CDK19: variants seen among roughly 807,000 people sequenced by gnomAD.
CDK19 encodes the protein cyclin-dependent kinase 19.
Under a neutral mutation model 68.3 loss-of-function variants are expected in CDK19, and 20 were observed. The ratio of observed to expected loss-of-function variants is 0.29; its 90% CI spans 0.21 to 0.43. The LOEUF is 0.43. CDK19 is among the 20% of genes least tolerant of loss of function. The probability of loss-of-function intolerance (pLI) is 1.00; values close to 1 mark genes in which losing one functional copy is unlikely to be tolerated. For synonymous variants in CDK19, 221 were observed against 222.8 expected (o/e 0.99, Z 0.07); for missense variants, 339 against 623.5 (o/e 0.54, Z 4.86).
chr6:110,804,336 A>G (rs116760552), intron 1 of CDK19, among the ~76,000 whole-genome samples: 2,039 of 152,054 alleles, frequency 0.013, 47 homozygotes, highest in African/African-American at 0.047. Context: ...TTCAAGTTAA[A>G]GATTCTTTTT....
At chr6:110,751,136 A>G (rs1778447386) in intron 1 of CDK19, among the ~76,000 whole-genome samples, 1 of 152,142 alleles carries the variant, frequency 6.6e-6, no homozygotes, top group Non-Finnish European at 1.5e-5. Context: ...ACCCAGCCCA[A>G]TACTTCTCTT....
chr6:110,765,822 A>G (rs1415063816), intron 1 of CDK19, among the ~76,000 whole-genome samples: 2 of 152,178 alleles, frequency 1.3e-5, no homozygotes, highest in African/African-American at 4.8e-5. Context: ...AAGGAAAGAT[A>G]TACAAATGAC....
chr6:110,691,518 A>G (rs997009373), intron 2 of CDK19, among the ~76,000 whole-genome samples: 2 of 152,024 alleles, frequency 1.3e-5, no homozygotes, highest in South Asian at 2.1e-4. Context: ...AGTGGCTTAC[A>G]CATGTAATCC....
chr6:110,696,266 A>G (rs999393481), intron 2 of CDK19, among the ~76,000 whole-genome samples: 4 of 152,232 alleles, frequency 2.6e-5, no homozygotes, highest in Non-Finnish European at 5.9e-5. Flanking sequence ...ATGTCAATAG[A>G]TGCAGAAAAA....
At chr6:110,657,210 C>T (rs954088786) in intron 4 of CDK19, among the ~76,000 whole-genome samples, 1 of 152,188 alleles carries the variant, frequency 6.6e-6, no homozygotes, top group African/African-American at 2.4e-5. Context: ...CTCAGAGATG[C>T]ACTCCAAGCC....
At chr6:110,745,471 A>G (rs755246115) in intron 2 of CDK19, among the ~76,000 whole-genome samples, 43 of 152,156 alleles carry the variant, frequency 2.8e-4, no homozygotes, top group Admixed American at 1.9e-3. Context: ...TTTAAAATGA[A>G]TAAGATTTAA....
At chr6:110,704,301 T>C (rs754813529) in intron 2 of CDK19, among the ~76,000 whole-genome samples, 100 of 152,230 alleles carry the variant, frequency 6.6e-4, no homozygotes, top group Non-Finnish European at 2.2e-4. Flanking sequence ...ACTGTGTATT[T>C]TGCAGTCAGA....
rs746456031 is a variant in CDK19, at chr6:110,815,154, G to A, written c.-18C>T. 1.3e-6 allele frequency: 2 copies of A among 1,572,620 alleles called. No homozygotes were observed. Among genetic ancestry groups the A allele is most frequent in the Non-Finnish European group, 8.6e-7 (1 of 1,161,586 alleles). On this transcript the variant is annotated 5_prime_UTR_variant, in exon 1 of 13. Coordinates refer to ENST00000368911, the MANE Select transcript of CDK19 (RefSeq NM_015076.5). ...TAATCCATTGTCTGCTTCCCCCATAGAGGCACGGGACGCGGGGGCCGCCGC... is the reference window on the plus strand; with the variant it reads ...TAATCCATTGTCTGCTTCCCCCATAAAGGCACGGGACGCGGGGGCCGCCGC...
intron 4 of CDK19, among the ~76,000 whole-genome samples, chr6:110,667,155 G>A (rs1253320186): frequency 2.0e-5 from 3 of 152,236 alleles, no homozygotes; most frequent in Admixed American, 2.0e-4. Flanking sequence ...TGCTTCACAT[G>A]TGACTACTCC....
intron 4 of CDK19, among the ~76,000 whole-genome samples, chr6:110,664,762 T>C (rs558009563): frequency 2.0e-5 from 3 of 152,100 alleles, no homozygotes; most frequent in African/African-American, 7.2e-5. Flanking sequence ...ATAAATGCCA[T>C]AACAGAAGTA....
At chr6:110,795,584 T>C (rs1781883390) in intron 1 of CDK19, among the ~76,000 whole-genome samples, 1 of 152,138 alleles carries the variant, frequency 6.6e-6, no homozygotes, top group Non-Finnish European at 1.5e-5. Context: ...GAAAACTATA[T>C]ATGAAAAAAT....
At chr6:110,637,937 C>T (rs753330751) in intron 5 of CDK19, among the ~76,000 whole-genome samples, 19 of 152,252 alleles carry the variant, frequency 1.2e-4, no homozygotes, top group South Asian at 2.1e-4. Context: ...GAGCCAAGAT[C>T]GCGCCATTGC....
At chr6:110,700,203 G>T (rs1371213862) in intron 2 of CDK19, among the ~76,000 whole-genome samples, 1 of 152,128 alleles carries the variant, frequency 6.6e-6, no homozygotes, top group Non-Finnish European at 1.5e-5. Flanking sequence ...TCTTGTTGCA[G>T]GAAAACAAGT....
intron 1 of CDK19, 162 bp downstream of exon 1, chr6:110,814,847 C>T (rs770052115): frequency 1.1e-6 from 1 of 899,592 alleles, no homozygotes; most frequent in Non-Finnish European, 1.7e-6. Context: ...GGGAGGCGGG[C>T]GGAACGGGCG....
chr6:110,655,089 C>T (rs117855703), intron 4 of CDK19, among the ~76,000 whole-genome samples: 4,238 of 152,102 alleles, frequency 0.028, 85 homozygotes, highest in South Asian at 0.083. Context: ...CTCGATAGGC[C>T]GGGCACGGTA....
At chr6:110,802,385 T>A (rs916972201) in intron 1 of CDK19, among the ~76,000 whole-genome samples, 1 of 152,142 alleles carries the variant, frequency 6.6e-6, no homozygotes, top group African/African-American at 2.4e-5. Context: ...GCAACATGGG[T>A]TGGGCTGGAG....
At chr6:110,774,884 G>A (rs1780284614) in intron 1 of CDK19, among the ~76,000 whole-genome samples, 1 of 152,082 alleles carries the variant, frequency 6.6e-6, no homozygotes, top group South Asian at 2.1e-4. Context: ...AGGAGGTTGG[G>A]GCTGTAGTGA....
At chr6:110,781,495 C>A (rs1780818716) in intron 1 of CDK19, among the ~76,000 whole-genome samples, 1 of 152,108 alleles carries the variant, frequency 6.6e-6, no homozygotes, top group South Asian at 2.1e-4. Context: ...CAAACTATAT[C>A]AGACAGTTGC....
chr6:110,797,728 T>A, intron 1 of CDK19, among the ~76,000 whole-genome samples: 1 of 152,210 alleles, frequency 6.6e-6, no homozygotes, highest in East Asian at 1.9e-4. Flanking sequence ...CGCACACCTG[T>A]AATCCCAACA....
Sources: allele counts gnomAD v4.1 joint callset (sites outside exome capture counted in the v4.1 genomes callset), GRCh38; gene constraint gnomAD v4.1.1; transcripts MANE v1.5; gene names NCBI Gene and HGNC (gene_info 2026-07-23, HGNC 2026-07-21).